BFSP1: variants seen among roughly 807,000 people sequenced by gnomAD.
BFSP1 encodes filensin.
A neutral mutation model predicts 43.9 loss-of-function variants in BFSP1; 38 were observed. That is an observed-to-expected ratio of 0.87 (90% confidence interval 0.67 to 1.14). The LOEUF (loss-of-function observed/expected upper bound fraction) is 1.14, where lower values mean the gene tolerates loss of function less well. Among genes scored for constraint, BFSP1 ranks in the 50% most tolerant of loss-of-function variants. The pLI is 0.00. For synonymous variants in BFSP1, 352 were observed against 354.8 expected, an observed-to-expected ratio of 0.99 and a Z score of 0.09; for missense variants, 850 against 875.1, an observed-to-expected ratio of 0.97 and a Z score of 0.36.
chr20:17,521,083 T>G (rs922155304), intron 2 of BFSP1, among the ~76,000 whole-genome samples: 4 of 152,164 alleles, frequency 2.6e-5, no homozygotes, highest in Non-Finnish European at 5.9e-5. Context: ...TCAGGCATCA[T>G]AGCAGACCAG....
At chr20:17,520,214 C>T (rs1555802981) in intron 2 of BFSP1, among the ~76,000 whole-genome samples, 2 of 138,728 alleles carry the variant, frequency 1.4e-5, no homozygotes, top group African/African-American at 2.6e-5. Context: ...TAACGTGCCC[C>T]CCCACCCCGC....
At chr20:17,529,090 T>TGTGTGTGTGTGTGTGTGTGAGA (rs577672397) in intron 1 of BFSP1, among the ~76,000 whole-genome samples, 164 of 151,602 alleles carry the variant, frequency 1.1e-3, no homozygotes, top group African/African-American at 3.8e-3. Flanking sequence ...TGTGTGTGTG[T>TGTGTGTGTGTGTGTGTGTGAGA]GAGACAGAGT....
intron 2 of BFSP1, among the ~76,000 whole-genome samples, chr20:17,522,890 T>C (rs986103256): frequency 1.3e-5 from 2 of 152,206 alleles, no homozygotes; most frequent in Admixed American, 6.5e-5. Context: ...TGCTCAGCTG[T>C]AGCAGGAGGT....
chr20:17,520,224 C>G (rs1384177125), intron 2 of BFSP1, among the ~76,000 whole-genome samples: 1 of 150,208 alleles, frequency 6.7e-6, no homozygotes, highest in African/African-American at 2.4e-5. Context: ...CCCCACCCCG[C>G]CCACCTTTCA....
At chr20:17,566,811 G>A (rs1042984829) in intron 1 of BFSP1, among the ~76,000 whole-genome samples, 2 of 152,086 alleles carry the variant, frequency 1.3e-5, no homozygotes, top group Non-Finnish European at 2.9e-5. Flanking sequence ...CTGCCACCAC[G>A]CCTGGCTGAT....
At chr20:17,542,371 C>T (rs2034732381) in intron 1 of BFSP1, among the ~76,000 whole-genome samples, 2 of 149,648 alleles carry the variant, frequency 1.3e-5, no homozygotes, top group Admixed American at 1.3e-4. Flanking sequence ...AGGAGGACTG[C>T]TTGAGCCCAG....
At chr20:17,563,365 C>T (rs1458040536), upstream of BFSP1, among the ~76,000 whole-genome samples, 1 of 137,474 alleles carries the variant, frequency 7.3e-6, no homozygotes, top group Non-Finnish European at 1.6e-5. Context: ...TCCCTCCCTC[C>T]CTCCCTTCCT....
chr20:17,504,911 TTTTTGTTTTTG>T (rs1266073144), intron 5 of BFSP1, among the ~76,000 whole-genome samples: 12 of 35,158 alleles, frequency 3.4e-4, no homozygotes, highest in Admixed American at 2.4e-3. Context: ...TAAGGTTTTT[TTTTTGTTTTTG>T]TTTTTGTTTT....
At chr20:17,542,100 G>A (rs117373726) in intron 1 of BFSP1, among the ~76,000 whole-genome samples, 1 of 152,246 alleles carries the variant, frequency 6.6e-6, no homozygotes, top group East Asian at 1.9e-4. Flanking sequence ...GCCTGCATTT[G>A]GGGCACTTGC....
chr20:17,567,731 C>T (rs1194323798), intron 1 of BFSP1, among the ~76,000 whole-genome samples: 1 of 151,958 alleles, frequency 6.6e-6, no homozygotes, highest in Non-Finnish European at 1.5e-5. Context: ...TGTGGTGGCG[C>T]ATGCCTGTAA....
upstream of BFSP1, among the ~76,000 whole-genome samples, chr20:17,562,175 C>T (rs2035072402): frequency 6.6e-6 from 1 of 151,676 alleles, no homozygotes; most frequent in Non-Finnish European, 1.5e-5. Flanking sequence ...CCGCCTCGGT[C>T]TCCCAAAGTG....
At chr20:17,546,278 A>G (rs2034799677) in intron 1 of BFSP1, among the ~76,000 whole-genome samples, 1 of 152,212 alleles carries the variant, frequency 6.6e-6, no homozygotes, top group South Asian at 2.1e-4. Flanking sequence ...AAGAACTACC[A>G]TTTATAAAAC....
chr20:17,497,101 TG>T (rs751415319), intron 6 of BFSP1, 78 bp from the exon 7 acceptor site: 39 of 1,220,898 alleles, frequency 3.2e-5, no homozygotes, highest in Non-Finnish European at 4.4e-5. Context: ...TGAGCAAAAA[TG>T]AAAAAAAAGC....
rs1362289570 is a variant in BFSP1 at position 17,494,614 on chromosome 20, G to A, written c.1458C>T (p.Val486=). ...CCCCACCTTTAGCTGTGATGGAGGAGACATAGAATCTAGGGTCCACGTAAT... is the reference window on the plus strand; with the variant it reads ...CCCCACCTTTAGCTGTGATGGAGGAAACATAGAATCTAGGGTCCACGTAAT... The part of the protein sequence containing the change: ...DANYVDPRFY[V]SSITAKGGVA... Residue 486 remains valine, a synonymous_variant, in exon 8 of 8, where the codon GTC becomes GTT. Coordinates refer to ENST00000377873, the MANE Select transcript of BFSP1 (RefSeq NM_001195.5). The A allele has an allele frequency of 4.6e-5, 75 of 1,614,108 alleles. No homozygotes were observed. Among genetic ancestry groups the A allele is most frequent in the Non-Finnish European group, 5.7e-5 (67 of 1,180,040 alleles).
At chr20:17,499,629 A>G (rs2033747968) in intron 5 of BFSP1, among the ~76,000 whole-genome samples, 1 of 152,084 alleles carries the variant, frequency 6.6e-6, no homozygotes, top group African/African-American at 2.4e-5. Flanking sequence ...AAACCTAGAA[A>G]ATAAAACGAA....
At chr20:17,559,536 G>A (rs116725707), upstream of BFSP1, among the ~76,000 whole-genome samples, 179 of 152,282 alleles carry the variant, frequency 1.2e-3, 1 homozygote, top group African/African-American at 3.8e-3. Flanking sequence ...GTAGGGCTAG[G>A]CAAGACTAGA....
At chr20:17,506,431 CT>C (rs1315289299) in intron 5 of BFSP1, among the ~76,000 whole-genome samples, 1 of 152,036 alleles carries the variant, frequency 6.6e-6, no homozygotes, top group African/African-American at 2.4e-5. Flanking sequence ...CAGCTACATG[CT>C]ATAGCTTGTT....
intron 1 of BFSP1, chr20:17,541,229 TA>T (rs2123560094): frequency 1.0e-6 from 1 of 975,540 alleles, no homozygotes; most frequent in African/African-American, 1.7e-5. Context: ...TAGTGAATAT[TA>T]GATAGAAACT....
intron 5 of BFSP1, among the ~76,000 whole-genome samples, chr20:17,501,152 A>G (rs2033789282): frequency 6.6e-6 from 1 of 152,240 alleles, no homozygotes; most frequent in Non-Finnish European, 1.5e-5. Flanking sequence ...ATCCAGACCT[A>G]AATGTACCTA....
Sources: gnomAD v4.1 joint callset for allele counts (sites outside exome capture counted in the v4.1 genomes callset) on GRCh38, gnomAD v4.1.1 for gene constraint, MANE v1.5 for transcripts, NCBI Gene and HGNC (gene_info 2026-07-23, HGNC 2026-07-21) for gene names.